RTN3: variants seen among roughly 807,000 people sequenced by gnomAD.
RTN3 encodes the protein reticulon-3.
RTN3 carries 49 observed loss-of-function variants against 77.8 expected under a neutral mutation model. That is an observed-to-expected ratio of 0.63 (90% CI 0.50 to 0.80). The LOEUF (loss-of-function observed/expected upper bound fraction) is 0.80. Among genes scored for constraint, RTN3 ranks in the 30% least tolerant of loss-of-function variants. The probability of loss-of-function intolerance (pLI) is 0.00; values close to 1 mark genes in which losing one functional copy is unlikely to be tolerated. For missense variants in RTN3, 1,236 were observed against 1,211.9 expected (o/e 1.02, Z -0.29); for synonymous variants, 464 against 446.9 (o/e 1.04, Z -0.48).
chr11:63,684,917 G>A (rs760902236), intron 1 of RTN3, among the ~76,000 whole-genome samples: 12 of 150,444 alleles, frequency 8.0e-5, no homozygotes, highest in Non-Finnish European at 1.5e-4. Flanking sequence ...GCACCACCAC[G>A]CCCAGATAAT....
intron 1 of RTN3, among the ~76,000 whole-genome samples, chr11:63,693,104 C>G (rs1259458028): frequency 6.6e-6 from 1 of 152,060 alleles, no homozygotes; most frequent in African/African-American, 2.4e-5. Context: ...GCAACTAAAA[C>G]AAGCCCTTGG....
intron 3 of RTN3, among the ~76,000 whole-genome samples, chr11:63,737,651 G>T (rs1419529325): frequency 4.6e-5 from 7 of 152,142 alleles, no homozygotes; most frequent in African/African-American, 1.7e-4. Context: ...GGTAACTAAG[G>T]TCAAAAGTTC....
rs148979972 is a variant in RTN3, at chr11:63,746,527, T to G, written c.2531-3464T>G. On this transcript the variant is annotated intron_variant, in intron 3 of 8. Coordinates refer to ENST00000377819, the MANE Select transcript of RTN3 (RefSeq NM_001265589.2). The stretch of plus-strand genomic sequence containing the variant: ...TTTTGCTTTTTGTTTTTTGTTTTTT[T>G]TTTTTGAGACGGAGTCTCGCTCTGT... Among the ~76,000 whole-genome samples, 297 of 152,220 alleles carry G rather than the reference T, an allele frequency of 2.0e-3. 1 individual carries two copies. Among genetic ancestry groups the G allele is most frequent in the African/African-American group, 6.9e-3 (287 of 41,550 alleles).
At chr11:63,733,211 T>G (rs1161323933) in intron 3 of RTN3, among the ~76,000 whole-genome samples, 1 of 151,742 alleles carries the variant, frequency 6.6e-6, no homozygotes, top group Non-Finnish European at 1.5e-5. Context: ...CCCAGCACTT[T>G]GGGAGGACCG....
rs931082594 is a variant in RTN3, at chr11:63,697,767, C to T, written c.143-7084C>T. On this transcript the variant is annotated intron_variant, in intron 1 of 8. Transcript: ENST00000377819. ...CTGGCATTACAGGCGAGAGCCACCG[C>T]GCCCGGCCCACCTGTGCTTTTTCAA... 5.9e-5 allele frequency among the ~76,000 whole-genome samples: 9 copies of T among 152,274 alleles called. No individual in the cohort carries two copies. The South Asian group carries it at 6.2e-4, about 11-fold the overall frequency.
intron 3 of RTN3, among the ~76,000 whole-genome samples, chr11:63,740,293 T>C (rs1359621798): frequency 6.6e-6 from 1 of 151,940 alleles, no homozygotes; most frequent in Admixed American, 6.6e-5. Flanking sequence ...GTTTCTTTTT[T>C]TTTTTTGAGA....
Position 63,719,736 on chromosome 11 carries a change from C to A in RTN3, c.1234C>A (p.Gln412Lys). 1 of 1,614,076 alleles carries A rather than the reference C, an allele frequency of 6.2e-7. No homozygotes were observed. The highest frequency in any genetic ancestry group is 8.5e-7 in the Non-Finnish European group (1 of 1,179,986). ...TGATTGGGCAGAAGCATCTCTCCAG[C>A]AAGAAAATGCTATTACTGGAAAACC... ...TGDWAEASLQ[Q>K]ENAITGKPVP... The change falls in exon 3 of 9, where the codon CAA becomes AAA. Residue 412 changes from glutamine (Q) to lysine (K), a missense_variant. Coordinates refer to ENST00000377819, the MANE Select transcript of RTN3 (RefSeq NM_001265589.2).
Position 63,681,611 on chromosome 11 carries a change from C to A in RTN3, c.-26C>A, listed in dbSNP as rs11551938. ...CTCCCGCCCCGTATCTCTTTTCACC[C>A]TTCTCCCACCCTCGCTCGCGTAGCC... is the stretch of plus-strand genomic sequence containing the variant. On this transcript the variant is annotated 5_prime_UTR_variant, in exon 1 of 9. Transcript: ENST00000377819. 2 of 1,573,346 alleles carry A rather than the reference C, an allele frequency of 1.3e-6. No homozygotes were observed. Among genetic ancestry groups the A allele is most frequent in the Non-Finnish European group, 1.7e-6 (2 of 1,158,306 alleles).
intron 2 of RTN3, among the ~76,000 whole-genome samples, chr11:63,717,554 A>C (rs2134810369): frequency 6.6e-6 from 1 of 151,266 alleles, no homozygotes; most frequent in East Asian, 2.0e-4. Context: ...CGCCCGGCTA[A>C]TTTTTTTGTA....
intron 3 of RTN3, among the ~76,000 whole-genome samples, chr11:63,744,843 T>C (rs973121102): frequency 3.9e-5 from 6 of 151,904 alleles, no homozygotes; most frequent in African/African-American, 1.2e-4. Context: ...AATAGAAAAA[T>C]CAACCGGGAA....
chr11:63,710,762 G>A (rs1000954254), intron 2 of RTN3, among the ~76,000 whole-genome samples: 5 of 152,136 alleles, frequency 3.3e-5, no homozygotes, highest in Admixed American at 3.3e-4. Flanking sequence ...TTGTAATACA[G>A]ATTCCTGAGC....
At chr11:63,717,447 G>A (rs937693261) in intron 2 of RTN3, among the ~76,000 whole-genome samples, 7 of 132,930 alleles carry the variant, frequency 5.3e-5, no homozygotes, top group Non-Finnish European at 9.2e-5. Context: ...GCGATGGCGT[G>A]ACCTCAGCTC....
chr11:63,719,514 G>C lies in RTN3; in HGVS notation c.1012G>C (p.Glu338Gln). ...GAATGATATGCATAACTTTACTAAC[G>C]AAATACTGACTTGGGATCTGGTTCC... ...CVNDMHNFTNEILTWDLVPQV... is the reference protein window; with the variant it reads ...CVNDMHNFTNQILTWDLVPQV... The change falls in exon 3 of 9, where the codon GAA becomes CAA. Residue 338 changes from glutamate to glutamine, a missense_variant. Coordinates refer to ENST00000377819, the MANE Select transcript of RTN3 (RefSeq NM_001265589.2). The C allele has an allele frequency of 6.2e-7, 1 of 1,614,134 alleles. No homozygotes were observed. The highest frequency in any genetic ancestry group is 8.5e-7 in the Non-Finnish European group (1 of 1,180,026).
chr11:63,704,399 G>A (rs1367393396), intron 1 of RTN3, among the ~76,000 whole-genome samples: 1 of 152,076 alleles, frequency 6.6e-6, no homozygotes, highest in Non-Finnish European at 1.5e-5. Context: ...GGTCAACTTT[G>A]CATATTTGCC....
rs142340015 is a variant in RTN3 at position 63,733,178 on chromosome 11, G to C, written c.2530+12146G>C. On this transcript the variant is annotated intron_variant, in intron 3 of 8. Coordinates refer to ENST00000377819, the MANE Select transcript of RTN3 (RefSeq NM_001265589.2). Reference sequence around the variant, plus strand: ...AAAAATACAAAAAAAAAAAGGCTGGGCACAGTGGCTCACGCCTGTAATCCC... The same window carrying C: ...AAAAATACAAAAAAAAAAAGGCTGGCCACAGTGGCTCACGCCTGTAATCCC... Among the ~76,000 whole-genome samples the C allele has an allele frequency of 9.6e-3, 1,456 of 152,148 alleles. 28 individuals carry two copies. The highest frequency in any genetic ancestry group is 0.033 in the African/African-American group (1,358 of 41,504).
chr11:63,749,855 C>G (rs2014004672), intron 3 of RTN3, 136 bp from the exon 4 acceptor site: 1 of 686,236 alleles, frequency 1.5e-6, no homozygotes, highest in Non-Finnish European at 2.5e-6. Flanking sequence ...GACCCCATCT[C>G]TTTAAAAAAA....
intron 1 of RTN3, among the ~76,000 whole-genome samples, chr11:63,698,132 CT>C (rs34408885): frequency 2.8e-3 from 402 of 145,260 alleles, no homozygotes; most frequent in African/African-American, 5.7e-3. Flanking sequence ...TTTTCATAGT[CT>C]TTTTTTTTTT....
intron 3 of RTN3, among the ~76,000 whole-genome samples, chr11:63,723,362 A>G (rs2011957485): frequency 6.6e-6 from 1 of 152,086 alleles, no homozygotes; most frequent in Non-Finnish European, 1.5e-5. Context: ...ATAAATAAAT[A>G]AAAACATAAA....
At chr11:63,716,993 AAAG>A (rs1334595500) in intron 2 of RTN3, among the ~76,000 whole-genome samples, 20 of 149,582 alleles carry the variant, frequency 1.3e-4, no homozygotes, top group Admixed American at 4.0e-4. Flanking sequence ...AAAAAAAAAA[AAAG>A]AAAAGAAAGT....
Sources: allele counts gnomAD v4.1 joint callset (sites outside exome capture counted in the v4.1 genomes callset), GRCh38; gene constraint gnomAD v4.1.1; transcripts MANE v1.5; gene names NCBI Gene and HGNC (gene_info 2026-07-23, HGNC 2026-07-21).